Variants in AMACR observed in about 807,000 individuals in gnomAD.
AMACR encodes the protein alpha-methylacyl-CoA racemase.
AMACR carries 18 observed loss-of-function variants against 22.2 expected under a neutral mutation model. The observed-to-expected ratio is 0.81, with a 90% CI of 0.56 to 1.20. The LOEUF is 1.20. AMACR is among the 50% of genes most tolerant of loss of function. AMACR has a pLI of 0.00. For missense variants in AMACR, 499 were observed against 490.6 expected, an observed-to-expected ratio of 1.02 and a Z score of -0.16; for synonymous variants, 213 against 191.3, an observed-to-expected ratio of 1.11 and a Z score of -0.94.
chr5:34,001,196 A>G (rs751448020), intron 3 of AMACR, among the ~76,000 whole-genome samples: 2 of 152,264 alleles, frequency 1.3e-5, no homozygotes, highest in African/African-American at 2.4e-5. Flanking sequence ...AACCTTTGAT[A>G]CTGTTAAAAG....
chr5:34,008,004 T>A lies in AMACR; in HGVS notation c.16A>T (p.Ile6Phe). MALQG[I>F]SVVELSGLAP... ...AGGCCGGACAGCTCCACGACCGAGA[T>A]GCCCTGCAGTGCCATGGCGCTTCCC... Residue 6 changes from isoleucine to phenylalanine, a missense_variant, in exon 1 of 5, where the codon ATC becomes TTC. Physicochemically the swap from Ile to Phe is conservative, Grantham distance 21 (BLOSUM62 0). Coordinates refer to ENST00000335606, the MANE Select transcript of AMACR (RefSeq NM_014324.6). The A allele has an allele frequency of 6.2e-7, 1 of 1,610,836 alleles. No homozygotes were observed.
In AMACR at chr5:33,992,432, G is replaced by T. The variant is rs542967912; in HGVS notation, c.740-2930C>A. ...TTGTAAAACAGAAAATAATTGCTGG[G>T]TGTAGTGGCTCACGCCTGTAATCCC... On this transcript the variant is annotated intron_variant, in intron 4 of 4. Coordinates refer to ENST00000335606, the MANE Select transcript of AMACR (RefSeq NM_014324.6). Among the ~76,000 whole-genome samples, 956 of 151,768 alleles carry T rather than the reference G, an allele frequency of 6.3e-3. 8 individuals are homozygous for T. Among genetic ancestry groups the T allele is most frequent in the Non-Finnish European group, 0.011 (736 of 67,894 alleles).
chr5:34,007,088 C>A (rs1406141982), intron 1 of AMACR, among the ~76,000 whole-genome samples: 1 of 152,198 alleles, frequency 6.6e-6, no homozygotes, highest in African/African-American at 2.4e-5. Flanking sequence ...TTCAGGCATT[C>A]ACTGAAATAA....
At chr5:34,001,184 C>T (rs1331990530) in intron 3 of AMACR, among the ~76,000 whole-genome samples, 1 of 152,224 alleles carries the variant, frequency 6.6e-6, no homozygotes, top group Non-Finnish European at 1.5e-5. Context: ...CAATTTGCCA[C>T]CAACCTTTGA....
intron 4 of AMACR, chr5:33,994,044 G>C (rs1021505041): frequency 6.6e-6 from 3 of 455,906 alleles, no homozygotes; most frequent in African/African-American, 6.0e-5. Flanking sequence ...GGACGCAGCA[G>C]AGTATGCACC....
At position 33,988,634 on chromosome 5, in the gene AMACR, A is replaced by AC; in HGVS notation, c.*458dup. Reference sequence around the variant, plus strand: ...ATGTGCTTAGAGGGAGATCATGAACACCAAGACAAAAGGCCTGGATGCAAC... The same window carrying AC: ...ATGTGCTTAGAGGGAGATCATGAACACCCAAGACAAAAGGCCTGGATGCAAC... On this transcript the variant is annotated 3_prime_UTR_variant, in exon 5 of 5. Transcript: ENST00000335606. 1 of 1,268,870 alleles carries AC rather than the reference A, an allele frequency of 7.9e-7. No individual in the cohort carries two copies. The allele number at this position is 1,268,870 out of a possible 1,614,324, so 78.6% of individuals were successfully genotyped here. A position where few individuals can be genotyped will look rare whatever the true frequency, so the allele number is the denominator to read the frequency against.
chr5:33,992,411 A>AC, intron 4 of AMACR, among the ~76,000 whole-genome samples: 1 of 150,762 alleles, frequency 6.6e-6, no homozygotes, highest in African/African-American at 2.4e-5. Flanking sequence ...TATAAATTGT[A>AC]AAACAGAAAA....
At chr5:33,992,735 T>C (rs1753522451) in intron 4 of AMACR, among the ~76,000 whole-genome samples, 1 of 152,152 alleles carries the variant, frequency 6.6e-6, no homozygotes, top group Non-Finnish European at 1.5e-5. Flanking sequence ...AATAGAATAA[T>C]TGTGCATTTG....
At chr5:33,991,583 C>A (rs192906656) in intron 4 of AMACR, among the ~76,000 whole-genome samples, 2 of 152,050 alleles carry the variant, frequency 1.3e-5, no homozygotes, top group Admixed American at 1.3e-4. Context: ...CACACACACA[C>A]ACACGTTACA....
chr5:34,004,508 G>C (rs1753911098), intron 3 of AMACR, 66 bp downstream of exon 3: 2 of 1,596,950 alleles, frequency 1.3e-6, no homozygotes, highest in South Asian at 1.1e-5. Context: ...TCAAAAAAAG[G>C]ATTTTAAGCA....
intron 4 of AMACR, chr5:33,997,568 C>T: frequency 1.3e-6 from 1 of 771,990 alleles, no homozygotes; most frequent in Non-Finnish European, 2.4e-6. Context: ...CTATCTTCAT[C>T]AGACTGCAGG....
intron 1 of AMACR, 95 bp from the exon 2 acceptor site, chr5:34,005,994 G>C: frequency 7.0e-7 from 1 of 1,420,968 alleles, no homozygotes; most frequent in African/African-American, 1.4e-5. Context: ...ACCATTGCAA[G>C]TAATATTAAT....
At position 34,007,816 on chromosome 5, in the gene AMACR, A is replaced by T. The variant is rs1057472198; in HGVS notation, c.204T>A (p.Arg68=). The T allele has an allele frequency of 5.1e-6, 8 of 1,575,770 alleles. No individual in the cohort carries two copies. In the Admixed American group the frequency reaches 1.3e-4, roughly 25 times the overall value. The change falls in exon 1 of 5, where the codon CGT becomes CGA. Residue 68 remains arginine, a synonymous_variant. Coordinates refer to ENST00000335606, the MANE Select transcript of AMACR (RefSeq NM_014324.6). ...GCAGCACATCCGACCGCTTGCACAGACGCCGCAGCACGGCGGCTCCCCGCG... is the reference window on the plus strand; with the variant it reads ...GCAGCACATCCGACCGCTTGCACAGTCGCCGCAGCACGGCGGCTCCCCGCG... ...KQPRGAAVLR[R]LCKRSDVLLE...
In AMACR at chr5:34,007,875, C is replaced by T. The variant is rs1440052221; in HGVS notation, c.145G>A (p.Gly49Ser). The change falls in exon 1 of 5, where the codon GGC becomes AGC. Residue 49 changes from glycine (G) to serine (S), a missense_variant. Gly to Ser is a moderately conservative substitution (Grantham distance 56). Transcript: ENST00000335606. ...AGGTCCAGCACTAGCGAGCGCTTGC[C>T]CCGGCCCAAGCGGCTCACGTCGTAG... The part of the protein sequence containing the change: ...SRYDVSRLGR[G>S]KRSLVLDLKQ... 1.9e-6 allele frequency: 3 copies of T among 1,594,774 alleles called. No homozygotes were observed. Among genetic ancestry groups the T allele is most frequent in the South Asian group, 1.1e-5 (1 of 89,932 alleles).
intron 3 of AMACR, among the ~76,000 whole-genome samples, chr5:33,999,694 C>T (rs563046224): frequency 6.6e-6 from 1 of 152,338 alleles, no homozygotes; most frequent in African/African-American, 2.4e-5. Context: ...TAGAGCAGGC[C>T]TCATTCCAAC....
At chr5:33,997,703 A>T in intron 4 of AMACR, 1 of 625,356 alleles carries the variant, frequency 1.6e-6, no homozygotes, top group Non-Finnish European at 2.9e-6. Context: ...ACCCTTTATG[A>T]TCTAGATAAA....
chr5:33,997,495 T>C (rs777075071), intron 4 of AMACR: 1 of 780,200 alleles, frequency 1.3e-6, no homozygotes, highest in Non-Finnish European at 2.4e-6. Flanking sequence ...TGTTGTATTT[T>C]CAGCAAGATC....
chr5:33,991,755 T>TATTATTA (rs1561037862), intron 4 of AMACR, among the ~76,000 whole-genome samples: 1 of 150,500 alleles, frequency 6.6e-6, no homozygotes. Context: ...TTATTATTAT[T>TATTATTA]TTTGAGACGG....
At chr5:33,997,873 G>A (rs1337437477) in intron 4 of AMACR, 4 of 305,386 alleles carry the variant, frequency 1.3e-5, no homozygotes, top group East Asian at 6.0e-5. Context: ...CCAGCTATAT[G>A]CAAATAACTT....
Sources: allele counts gnomAD v4.1 joint callset (sites outside exome capture counted in the v4.1 genomes callset), GRCh38; gene constraint gnomAD v4.1.1; transcripts MANE v1.5; gene names NCBI Gene and HGNC (gene_info 2026-07-23, HGNC 2026-07-21).